USP9X: variants seen among roughly 807,000 people sequenced by gnomAD.
USP9X encodes the protein ubiquitin specific peptidase 9 X-linked.
A neutral mutation model predicts 190.3 loss-of-function variants in USP9X; 7 were observed. The observed-to-expected ratio is 0.04, with a 90% confidence interval of 0.02 to 0.07. USP9X has a LOEUF of 0.07. Among genes scored for constraint, USP9X ranks in the 10% least tolerant of loss-of-function variants. The pLI is 1.00. For synonymous variants in USP9X, 645 were observed against 659.5 expected (o/e 0.98, Z 0.34); for missense variants, 1,010 against 1,916.9 (o/e 0.53, Z 8.83).
At position 41,159,043 on chromosome X, in the gene USP9X, CTCCAACCACTTCTATTTAACATTCT is replaced by C. The variant is rs776450649; in HGVS notation, c.1898-3746_1898-3722del. Among the ~76,000 whole-genome samples, 81 of 111,477 alleles carry C rather than the reference CTCCAACCACTTCTATTTAACATTCT, an allele frequency of 7.3e-4. No homozygotes were observed. In the East Asian group the frequency reaches 0.022, roughly 30 times the overall value. On this transcript the variant is annotated intron_variant, in intron 14 of 44. Coordinates refer to ENST00000378308, the MANE Select transcript of USP9X (RefSeq NM_001039591.3). ...AACAAGAATGAGACAAAGATGTCCA[CTCCAACCACTTCTATTTAACATTCT>C]GCTTGAGGCATTAGCCAGGATAACT...
At chrX:41,220,229 A>C (rs892740781) in intron 38 of USP9X, among the ~76,000 whole-genome samples, 1 of 112,158 alleles carries the variant, frequency 8.9e-6, no homozygotes, top group Non-Finnish European at 1.9e-5. Flanking sequence ...TTACACAGAC[A>C]AGCATAAGTG....
intron 1 of USP9X, among the ~76,000 whole-genome samples, chrX:41,115,221 CAAAAAAAAAAAAAAG>C (rs1397035166): frequency 1.2e-4 from 5 of 42,868 alleles, no homozygotes; most frequent in African/African-American, 4.3e-4. Flanking sequence ...ACTCCGTCTC[CAAAAAAAAAAAAAAG>C]AAAAAGAAAA....
chrX:41,186,198 A>C (rs1324933309), intron 23 of USP9X, among the ~76,000 whole-genome samples: 1 of 111,298 alleles, frequency 9.0e-6, no homozygotes, highest in Non-Finnish European at 1.9e-5. Context: ...AAAGATGTAC[A>C]ATACTTTACT....
At chrX:41,162,736 G>C in intron 14 of USP9X, 54 bp from the exon 15 acceptor site, 1 of 979,807 alleles carries the variant, frequency 1.0e-6, no homozygotes, top group African/African-American at 1.9e-5. Context: ...TGAAGTCAAA[G>C]CAGTGATTTG....
rs2062984496 is a variant in USP9X, at chrX:41,196,370, T to C, written c.4086+11T>C. On this transcript the variant is annotated intron_variant, in intron 27 of 44. Transcript: ENST00000378308. ...TTTACTGTTTTGGGGGTGAGACTTT[T>C]TAAAATATGCTTATCAATGTGATTC... 4 of 1,192,987 alleles carry C rather than the reference T, an allele frequency of 3.4e-6. No homozygotes were observed. In the African/African-American group the frequency reaches 7.1e-5, roughly 21 times the overall value.
chrX:41,214,473 AT>A, intron 33 of USP9X, 94 bp from the exon 34 acceptor site: 6 of 876,159 alleles, frequency 6.8e-6, no homozygotes, highest in East Asian at 7.6e-5. Flanking sequence ...TTAAAGTATA[AT>A]TTAAAAAAAA....
chrX:41,208,767 G>C (rs1007839232), intron 32 of USP9X, among the ~76,000 whole-genome samples: 1 of 109,750 alleles, frequency 9.1e-6, no homozygotes. Context: ...GAGTGCAGTG[G>C]CGTGATCTCG....
chrX:41,103,283 A>G (rs2062047524), intron 1 of USP9X, among the ~76,000 whole-genome samples: 1 of 112,630 alleles, frequency 8.9e-6, no homozygotes, highest in South Asian at 3.6e-4. Flanking sequence ...AGGAGTTAAG[A>G]AAGGTGTTTT....
rs760373107 is a variant in USP9X at position 41,167,568 on chromosome X, A to G, written c.2415A>G (p.Gln805=). 5 of 1,196,906 alleles carry G rather than the reference A, an allele frequency of 4.2e-6. No individual in the cohort carries two copies. Among genetic ancestry groups the G allele is most frequent in the Middle Eastern group, 4.6e-4 (2 of 4,320 alleles). Residue 805 remains glutamine (Q), a synonymous_variant, in exon 17 of 45, where the codon CAA becomes CAG. Transcript: ENST00000378308. ...EIYTNLGPRL[Q]VNQVVIHEDF... is the part of the protein sequence containing the mutation. ...ACACGAACCTTGGTCCAAGACTACA[A>G]GTCAATCAGGTGAGGATTGATGTGC...
intron 1 of USP9X, among the ~76,000 whole-genome samples, chrX:41,093,379 T>C (rs2061967390): frequency 8.9e-6 from 1 of 112,440 alleles, no homozygotes; most frequent in Admixed American, 9.4e-5. Flanking sequence ...TTTATAAGAA[T>C]GAGCAGAAAA....
intron 21 of USP9X, 97 bp downstream of exon 21, chrX:41,172,055 C>CTA (rs1201914962): frequency 9.9e-7 from 1 of 1,007,556 alleles, no homozygotes; most frequent in Non-Finnish European, 1.3e-6. Context: ...TTGGTATAGA[C>CTA]TATAACAAGA....
At chrX:41,142,865 A>G (rs2062434862) in intron 9 of USP9X, among the ~76,000 whole-genome samples, 1 of 111,580 alleles carries the variant, frequency 9.0e-6, no homozygotes, top group Non-Finnish European at 1.9e-5. Context: ...GATAATGGAT[A>G]AGCAATAATA....
intron 1 of USP9X, among the ~76,000 whole-genome samples, chrX:41,091,404 T>C (rs1429523102): frequency 8.9e-6 from 1 of 112,088 alleles, no homozygotes; most frequent in Non-Finnish European, 1.9e-5. Context: ...TTTGCTGTAT[T>C]GATGCTCTAT....
chrX:41,141,473 TAAGAC>T (rs765693606), intron 9 of USP9X, 42 bp downstream of exon 9: 6 of 1,092,373 alleles, frequency 5.5e-6, no homozygotes, highest in East Asian at 3.2e-5. Context: ...AGAATCTACT[TAAGAC>T]AAGAAATTAG....
chrX:41,153,210 T>C, intron 14 of USP9X, 129 bp downstream of exon 14: 1 of 657,264 alleles, frequency 1.5e-6, no homozygotes, highest in Non-Finnish European at 2.1e-6. Context: ...CTCTTAGACA[T>C]CCTAAACTCT....
At position 41,197,346 on chromosome X, in the gene USP9X, A is replaced by G. The variant is rs781379769; in HGVS notation, c.4234-18A>G. On this transcript the variant is annotated intron_variant, in intron 28 of 44. Transcript: ENST00000378308. ...TTTGATTTCTTCCCCCCCCCACCCCACCCCCCGCCTTTGGCAGGATGATGT... is the reference window on the plus strand; with the variant it reads ...TTTGATTTCTTCCCCCCCCCACCCCGCCCCCCGCCTTTGGCAGGATGATGT... The G allele has an allele frequency of 6.7e-6, 2 of 297,486 alleles. No homozygotes were observed. 24.5% of individuals were successfully genotyped at this position (297,486 alleles called of 1,213,427 possible).
At chrX:41,128,491 C>G (rs758999439) in intron 2 of USP9X, among the ~76,000 whole-genome samples, 8 of 111,605 alleles carry the variant, frequency 7.2e-5, no homozygotes, top group Non-Finnish European at 1.5e-4. Context: ...CACAGTAGTA[C>G]AGAGATGGCC....
rs982594485 is a variant in USP9X at position 41,196,336 on chromosome X, A to G, written c.4063A>G (p.Thr1355Ala). 1 of 1,208,827 alleles carries G rather than the reference A, an allele frequency of 8.3e-7. No individual in the cohort carries two copies. The highest frequency in any genetic ancestry group is 1.8e-5 in the African/African-American group (1 of 57,014). Residue 1355 changes from threonine (T) to alanine (A), a missense_variant, in exon 27 of 45, where the codon ACT (threonine) becomes GCT (alanine). By Grantham distance (58) the Thr-to-Ala change is moderately conservative (BLOSUM62 0). Coordinates refer to ENST00000378308, the MANE Select transcript of USP9X (RefSeq NM_001039591.3). Reference protein sequence around the residue: ...MGHRPLLFFITLLFTVLGSTA... With the variant: ...MGHRPLLFFIALLFTVLGSTA... The stretch of plus-strand genomic sequence containing the variant: ...ACACCGGCCTCTACTTTTCTTCATT[A>G]CTCTACTCTTTACTGTTTTGGGGGT...
intron 3 of USP9X, among the ~76,000 whole-genome samples, chrX:41,130,431 CAG>C (rs749849900): frequency 1.3e-4 from 14 of 108,606 alleles, no homozygotes; most frequent in African/African-American, 3.7e-4. Flanking sequence ...AGCAAGTTCT[CAG>C]GGGGGAGAAA....
Sources: allele counts gnomAD v4.1 joint callset (sites outside exome capture counted in the v4.1 genomes callset), GRCh38; gene constraint gnomAD v4.1.1; transcripts MANE v1.5; gene names NCBI Gene and HGNC (gene_info 2026-07-23, HGNC 2026-07-21).